The following VPS26B variants were observed in gnomAD, a reference collection of about 807,000 sequenced individuals.
The protein encoded by VPS26B is VPS26 retromer complex component B.
VPS26B carries 10 observed loss-of-function variants against 33.3 expected under a neutral mutation model. The ratio of observed to expected loss-of-function variants is 0.30; its 90% CI spans 0.19 to 0.51. VPS26B has a LOEUF of 0.51. Among genes scored for constraint, VPS26B ranks in the 20% least tolerant of loss-of-function variants. The probability of loss-of-function intolerance (pLI) is 0.98; values close to 1 mark genes in which losing one functional copy is unlikely to be tolerated. For synonymous variants in VPS26B, 190 were observed against 176.9 expected, an observed-to-expected ratio of 1.07 and a Z score of -0.59; for missense variants, 317 against 452.7, an observed-to-expected ratio of 0.70 and a Z score of 2.72.
Position 134,244,542 on chromosome 11 carries a change from G to A in VPS26B, c.722-396G>A. 1 of 165,996 alleles carries A rather than the reference G, an allele frequency of 6.0e-6. No individual in the cohort carries two copies. 10.3% of individuals were successfully genotyped at this position (165,996 alleles called of 1,614,324 possible). A position where few individuals can be genotyped will look rare whatever the true frequency, so the allele number is the denominator to read the frequency against. ...ACAAGAGGGAGGATGTATTTTGGGG[G>A]GCATACACTGAGGATGGAGAAAGAT... On this transcript the variant is annotated intron_variant, in intron 4 of 5. Transcript: ENST00000281187. This position sits in a 1 kb window ranked among gnomAD's most constrained non-coding sequence, Gnocchi z 4.0.
Position 134,237,081 on chromosome 11 carries a change from A to G in VPS26B, c.380+2028A>G, listed in dbSNP as rs1247347302. On this transcript the variant is annotated intron_variant, in intron 2 of 5. Transcript: ENST00000281187. ...TAGGAAAATTAGTTGAGGACAGTTT[A>G]AAGATGTAACTTCCAGATTAAAAGC... is the stretch of plus-strand genomic sequence containing the variant. Among the ~76,000 whole-genome samples, 3 of 152,268 alleles carry G rather than the reference A, an allele frequency of 2.0e-5. No homozygotes were observed. The East Asian group carries it at 5.8e-4, about 29-fold the overall frequency.
At chr11:134,235,936 G>T (rs536326927) in intron 2 of VPS26B, among the ~76,000 whole-genome samples, 2 of 152,102 alleles carry the variant, frequency 1.3e-5, no homozygotes, top group African/African-American at 4.8e-5. Context: ...TCATAAGATC[G>T]GTTTATCTCC....
Position 134,245,389 on chromosome 11 carries a change from C to G in VPS26B, c.865-55C>G. On this transcript the variant is annotated intron_variant, in intron 5 of 5. Coordinates refer to ENST00000281187, the MANE Select transcript of VPS26B (RefSeq NM_052875.5). This position sits in a 1 kb window ranked among gnomAD's most constrained non-coding sequence, Gnocchi z 4.7. ...GTCAAAGTTGGGAGCCTCTAGGAAA[C>G]CTGTCCCCATGCCTCCCTCTAAGGT... The G allele has an allele frequency of 6.2e-7, 1 of 1,603,616 alleles. No individual in the cohort carries two copies. Among genetic ancestry groups the G allele is most frequent in the Non-Finnish European group, 8.5e-7 (1 of 1,171,854 alleles).
intron 1 of VPS26B, 129 bp from the exon 2 acceptor site, chr11:134,234,768 A>AG: frequency 2.7e-6 from 3 of 1,096,582 alleles, no homozygotes; most frequent in Non-Finnish European, 3.9e-6. Flanking sequence ...CAAGGCTAGA[A>AG]GGGGTCTGTT....
At chr11:134,243,426 G>C (rs750499002) in intron 4 of VPS26B, 132 bp downstream of exon 4, 85 of 1,116,432 alleles carry the variant, frequency 7.6e-5, no homozygotes, top group Admixed American at 7.2e-4. Flanking sequence ...TAATCTCTCA[G>C]TTTACACCGT....
chr11:134,240,000 T>G lies in VPS26B; in HGVS notation c.390T>G (p.Leu130=). 6.2e-7 allele frequency: 1 copy of G among 1,614,154 alleles called. No individual in the cohort carries two copies. Among genetic ancestry groups the G allele is most frequent in the Non-Finnish European group, 8.5e-7 (1 of 1,180,024 alleles). The stretch of plus-strand genomic sequence containing the variant: ...GTTCCGTCTCCTACAGCTATTTCCT[T>G]CGTGCTACCATCAGCCGCCGCCTCA... ...TGQNVKLRYF[L]RATISRRLND... is the part of the protein sequence containing the mutation. Residue 130 remains leucine (L), a synonymous_variant, in exon 3 of 6, where the codon CTT becomes CTG. Transcript: ENST00000281187.
In VPS26B at chr11:134,229,261, G is replaced by A. The variant is rs547841604; in HGVS notation, c.223+3916G>A. Among the ~76,000 whole-genome samples, 272 of 152,188 alleles carry A rather than the reference G, an allele frequency of 1.8e-3. 1 individual carries two copies. Among genetic ancestry groups the A allele is most frequent in the Middle Eastern group, 6.8e-3 (2 of 294 alleles). On this transcript the variant is annotated intron_variant, in intron 1 of 5. Transcript: ENST00000281187. Reference sequence around the variant, plus strand: ...GCCCAGGCTGGTCTGGAACTCAAGCGATCCTCCTGCCTTGGCCTCCCAGAG... The same window carrying A: ...GCCCAGGCTGGTCTGGAACTCAAGCAATCCTCCTGCCTTGGCCTCCCAGAG...
chr11:134,237,409 G>A (rs973264792), intron 2 of VPS26B, among the ~76,000 whole-genome samples: 5 of 152,226 alleles, frequency 3.3e-5, no homozygotes, highest in Admixed American at 3.3e-4. Context: ...AGGAAGAAAT[G>A]ATCTGGAGAT....
At chr11:134,237,315 A>G (rs1402147332) in intron 2 of VPS26B, among the ~76,000 whole-genome samples, 1 of 152,192 alleles carries the variant, frequency 6.6e-6, no homozygotes, top group Admixed American at 6.5e-5. Context: ...ACAAAGAGAA[A>G]GTGAGGAATG....
chr11:134,235,248 A>G (rs888205282), intron 2 of VPS26B, 195 bp downstream of exon 2: 11 of 614,382 alleles, frequency 1.8e-5, no homozygotes, highest in Non-Finnish European at 8.1e-6. Context: ...GCATGTGTCA[A>G]TTTCTGTAGT....
chr11:134,234,465 G>A (rs941415779), intron 1 of VPS26B, among the ~76,000 whole-genome samples: 2 of 152,200 alleles, frequency 1.3e-5, no homozygotes, highest in African/African-American at 4.8e-5. Context: ...GGTTTCCATC[G>A]TCTTTTAAAC....
At position 134,226,689 on chromosome 11, in the gene VPS26B, T is replaced by TG. The variant is rs1938480316; in HGVS notation, c.223+1348dup. Reference sequence around the variant, plus strand: ...ATAACTCTGTTTTTAGAGACTTCCTTGGGGAATCTTTGTTAAACTCTCTTA... The same window carrying TG: ...ATAACTCTGTTTTTAGAGACTTCCTTGGGGGAATCTTTGTTAAACTCTCTTA... On this transcript the variant is annotated intron_variant, in intron 1 of 5. Coordinates refer to ENST00000281187, the MANE Select transcript of VPS26B (RefSeq NM_052875.5). Among the ~76,000 whole-genome samples, 4 of 152,202 alleles carry TG rather than the reference T, an allele frequency of 2.6e-5. No individual in the cohort carries two copies. In the South Asian group the frequency reaches 8.3e-4, roughly 32 times the overall value.
chr11:134,234,009 C>T (rs1315161519), intron 1 of VPS26B, among the ~76,000 whole-genome samples: 2 of 152,178 alleles, frequency 1.3e-5, no homozygotes, highest in East Asian at 3.9e-4. Flanking sequence ...TAGCAGCCGT[C>T]CTGGGGAGCT....
chr11:134,243,084 CCAA>C, intron 3 of VPS26B, 32 bp from the exon 4 acceptor site: 1 of 1,610,682 alleles, frequency 6.2e-7, no homozygotes, highest in Non-Finnish European at 8.5e-7. Context: ...GGCCACAGTA[CCAA>C]CATCTTACTT....
intron 1 of VPS26B, among the ~76,000 whole-genome samples, chr11:134,230,793 A>C (rs1026145448): frequency 2.0e-5 from 3 of 152,120 alleles, no homozygotes; most frequent in East Asian, 3.8e-4. Context: ...TTATTTATTC[A>C]CTTATGTGGT....
At chr11:134,233,365 A>G (rs1028151689) in intron 1 of VPS26B, among the ~76,000 whole-genome samples, 7 of 152,176 alleles carry the variant, frequency 4.6e-5, no homozygotes, top group Non-Finnish European at 1.0e-4. Flanking sequence ...GGACTTGAAC[A>G]CAGAATCCTT....
At chr11:134,234,838 C>T (rs901563899) in intron 1 of VPS26B, 59 bp from the exon 2 acceptor site, 14 of 1,577,182 alleles carry the variant, frequency 8.9e-6, no homozygotes, top group East Asian at 2.3e-5. Flanking sequence ...GCCCCCTACT[C>T]GGCCCGGTGT....
At chr11:134,236,017 C>T (rs1366054788) in intron 2 of VPS26B, among the ~76,000 whole-genome samples, 1 of 152,160 alleles carries the variant, frequency 6.6e-6, no homozygotes. Context: ...CTCTGTCCTC[C>T]CTTCTTCCAT....
In VPS26B at chr11:134,243,301, C is replaced by T. The variant is rs1938762096; in HGVS notation, c.721+7C>T. ...GACGGGGCACCAGTGCGAGGTGAGA[C>T]TCCAGGCCCAGGCCTCGGCTACCAC... On this transcript the variant is annotated splice_region_variant and intron_variant, in intron 4 of 5. Transcript: ENST00000281187. 1.2e-6 allele frequency: 2 copies of T among 1,613,598 alleles called. No homozygotes were observed. The highest frequency in any genetic ancestry group is 1.7e-6 in the Non-Finnish European group (2 of 1,179,660).
Sources: gnomAD v4.1 joint callset for allele counts (sites outside exome capture counted in the v4.1 genomes callset) on GRCh38, gnomAD v4.1.1 for gene constraint, Gnocchi (gnomAD v3.1) non-coding constraint, MANE v1.5 for transcripts, NCBI Gene and HGNC (gene_info 2026-07-23, HGNC 2026-07-21) for gene names.